Variants in AFF1 observed in about 807,000 individuals in gnomAD.
AFF1 encodes the protein AF4/FMR2 family member 1.
Under a neutral mutation model 121.7 loss-of-function variants are expected in AFF1, and 48 were observed. That is an observed-to-expected ratio of 0.39 (90% confidence interval 0.31 to 0.50). The LOEUF (loss-of-function observed/expected upper bound fraction) is 0.50, where lower values mean the gene tolerates loss of function less well. Ranked by LOEUF, AFF1 falls within the 20% of genes least tolerant of loss-of-function variation. AFF1 has a pLI of 0.76. For missense variants in AFF1, 1,523 were observed against 1,511.7 expected (o/e 1.01, Z -0.12); for synonymous variants, 613 against 563.0 (o/e 1.09, Z -1.26).
intron 2 of AFF1, among the ~76,000 whole-genome samples, chr4:86,964,255 C>G (rs1277672473): frequency 6.6e-6 from 1 of 151,252 alleles, no homozygotes; most frequent in African/African-American, 2.4e-5. Flanking sequence ...TCCCGAGTAG[C>G]TGGGATTGCA....
chr4:86,940,833 A>G (rs1370659660), intron 1 of AFF1, among the ~76,000 whole-genome samples: 1 of 151,994 alleles, frequency 6.6e-6, no homozygotes, highest in African/African-American at 2.4e-5. Flanking sequence ...CATGCCTCTA[A>G]TTCTAGCACT....
chr4:86,942,775 C>T (rs897509750), intron 1 of AFF1, among the ~76,000 whole-genome samples: 4 of 152,084 alleles, frequency 2.6e-5, no homozygotes, highest in Non-Finnish European at 4.4e-5. Flanking sequence ...TGAGATCTCT[C>T]GTTCATAAGA....
At chr4:87,066,098 CATGATA>C (rs1369064853) in intron 4 of AFF1, among the ~76,000 whole-genome samples, 1 of 152,166 alleles carries the variant, frequency 6.6e-6, no homozygotes, top group Non-Finnish European at 1.5e-5. Flanking sequence ...GGTTTCACTG[CATGATA>C]ATACCCATGT....
chr4:86,943,798 A>G lies in AFF1; in HGVS notation c.-36-4700A>G, dbSNP rs1017353109. On this transcript the variant is annotated intron_variant, in intron 1 of 20. Coordinates refer to ENST00000395146, the MANE Select transcript of AFF1 (RefSeq NM_001166693.3). ...AACATGGAGAAACCCCGTCTCTACTAAAAATACAAAAAAATTAGCCAGGCG... is the reference window on the plus strand; with the variant it reads ...AACATGGAGAAACCCCGTCTCTACTGAAAATACAAAAAAATTAGCCAGGCG... Among the ~76,000 whole-genome samples, 4 of 152,064 alleles carry G rather than the reference A, an allele frequency of 2.6e-5. No homozygotes were observed. The East Asian group carries it at 5.8e-4, about 22-fold the overall frequency.
intron 2 of AFF1, among the ~76,000 whole-genome samples, chr4:86,970,191 T>G (rs1722845948): frequency 6.6e-6 from 1 of 151,984 alleles, no homozygotes; most frequent in African/African-American, 2.4e-5. Context: ...TTTTATAGTT[T>G]AAGATATTAA....
chr4:86,961,888 A>G (rs1722178730), intron 2 of AFF1, among the ~76,000 whole-genome samples: 1 of 152,128 alleles, frequency 6.6e-6, no homozygotes, highest in Admixed American at 6.5e-5. Flanking sequence ...TTATCTTTCT[A>G]CATCCGGCAG....
At chr4:87,094,884 T>C (rs991244087) in intron 7 of AFF1, 31 bp from the exon 8 acceptor site, 11 of 1,606,578 alleles carry the variant, frequency 6.8e-6, no homozygotes, top group Non-Finnish European at 9.4e-6. Context: ...TATGTGTCAT[T>C]GTGCTGCTTT....
rs1485700049 is a variant in AFF1 at position 86,986,035 on chromosome 4, CAATTCAATTT to C, written c.38+37469_38+37478del. 8.9e-3 allele frequency among the ~76,000 whole-genome samples: 1,232 copies of C among 137,702 alleles called. 23 individuals are homozygous for C. The highest frequency in any genetic ancestry group is 0.028 in the African/African-American group (1,006 of 36,156). The allele number at this position is 137,702 out of a possible 152,430, so 90.3% of individuals were successfully genotyped here. Reference sequence around the variant, plus strand: ...TGAATCCTTTTTTTAAAATTTAATTCAATTCAATTTAATTTAATTTAATTTAATTTAATTT... The same window carrying C: ...TGAATCCTTTTTTTAAAATTTAATTCAATTTAATTTAATTTAATTTAATTT... On this transcript the variant is annotated intron_variant, in intron 2 of 20. Coordinates refer to ENST00000395146, the MANE Select transcript of AFF1 (RefSeq NM_001166693.3).
At chr4:87,004,240 C>T (rs1446340373) in intron 2 of AFF1, among the ~76,000 whole-genome samples, 2 of 151,922 alleles carry the variant, frequency 1.3e-5, no homozygotes, top group African/African-American at 2.4e-5. Flanking sequence ...AAAGAAGGCT[C>T]GATGAGTGTG....
chr4:87,110,869 T>C (rs1181278496), intron 11 of AFF1, among the ~76,000 whole-genome samples: 2 of 152,050 alleles, frequency 1.3e-5, no homozygotes, highest in Non-Finnish European at 2.9e-5. Flanking sequence ...GGAGGGCAGA[T>C]TGGGGGTGGG....
intron 2 of AFF1, among the ~76,000 whole-genome samples, chr4:87,000,748 G>A (rs890844581): frequency 6.6e-6 from 1 of 151,752 alleles, no homozygotes; most frequent in Non-Finnish European, 1.5e-5. Flanking sequence ...GTAAGGAAGG[G>A]CATGTTTTAT....
chr4:87,127,032 TC>T lies in AFF1; in HGVS notation c.2820del (p.Gly941GlufsTer24). ...SRSSSEHKGSSGDTANPFPVP... is the reference protein window; with the variant it reads ...SRSSSEHKGSXGDTANPFPVP... ...ATTGATTTTTTTTTTGAAGGGTTCTTCCGGAGATACTGCAAATCCTTTTCCA... is the reference window on the plus strand; with the variant it reads ...ATTGATTTTTTTTTTGAAGGGTTCTTCGGAGATACTGCAAATCCTTTTCCA... On this transcript the variant is annotated frameshift_variant, in exon 15 of 21. Transcript: ENST00000395146. LOFTEE classifies it high-confidence loss of function. 6.2e-7 allele frequency: 1 copy of T among 1,613,942 alleles called. No homozygotes were observed. Among genetic ancestry groups the T allele is most frequent in the Non-Finnish European group, 8.5e-7 (1 of 1,179,878 alleles).
intron 2 of AFF1, among the ~76,000 whole-genome samples, chr4:86,962,280 G>C (rs1722210249): frequency 6.6e-6 from 1 of 151,720 alleles, no homozygotes; most frequent in Non-Finnish European, 1.5e-5. Context: ...AATTAAGAGA[G>C]AGTTTGCTTT....
chr4:87,004,936 A>T (rs895735233), intron 2 of AFF1, among the ~76,000 whole-genome samples: 1 of 152,256 alleles, frequency 6.6e-6, no homozygotes, highest in African/African-American at 2.4e-5. Flanking sequence ...TTTTAAAAAA[A>T]CTAAACCTTT....
chr4:86,980,892 T>C (rs1038116667), intron 2 of AFF1, among the ~76,000 whole-genome samples: 2 of 148,878 alleles, frequency 1.3e-5, no homozygotes, highest in Non-Finnish European at 3.0e-5. Flanking sequence ...TTGAAAGTAA[T>C]GGCCAGGTGT....
chr4:87,079,640 C>T (rs149956427), intron 4 of AFF1, among the ~76,000 whole-genome samples: 1 of 152,316 alleles, frequency 6.6e-6, no homozygotes, highest in Non-Finnish European at 1.5e-5. Context: ...GTATTCTGAG[C>T]CAGCTCAGCT....
intron 2 of AFF1, among the ~76,000 whole-genome samples, chr4:87,021,808 CAT>C (rs1172643847): frequency 1.3e-5 from 2 of 152,118 alleles, no homozygotes; most frequent in Non-Finnish European, 2.9e-5. Context: ...TTAGTCAACA[CAT>C]AGGGGAAAAA....
intron 19 of AFF1, among the ~76,000 whole-genome samples, chr4:87,134,257 A>G (rs1729103746): frequency 6.6e-6 from 1 of 152,254 alleles, no homozygotes; most frequent in Admixed American, 6.5e-5. Context: ...GAAGTAGACT[A>G]TGCGAATGGC....
Position 87,138,240 on chromosome 4 carries a change from T to C in AFF1, c.*2539T>C, listed in dbSNP as rs1253973673. ...AATCCTTAACGTTCATAGGGTCTTT[T>C]TGCTGTTACGGTTGTATATAGAGGT... On this transcript the variant is annotated 3_prime_UTR_variant, in exon 21 of 21. Coordinates refer to ENST00000395146, the MANE Select transcript of AFF1 (RefSeq NM_001166693.3). 4 of 232,616 alleles carry C rather than the reference T, an allele frequency of 1.7e-5. No individual in the cohort carries two copies. The highest frequency in any genetic ancestry group is 3.4e-5 in the Non-Finnish European group (4 of 117,720). 14.4% of individuals were successfully genotyped at this position (232,616 alleles called of 1,614,324 possible).
Sources: gnomAD v4.1 joint callset for allele counts (sites outside exome capture counted in the v4.1 genomes callset) on GRCh38, gnomAD v4.1.1 for gene constraint, MANE v1.5 for transcripts, NCBI Gene and HGNC (gene_info 2026-07-23, HGNC 2026-07-21) for gene names.